The following DAB1 variants were observed in gnomAD, a reference collection of about 807,000 sequenced individuals.
The protein encoded by DAB1 is DAB adaptor protein 1.
A neutral mutation model predicts 64.6 loss-of-function variants in DAB1; 15 were observed. The observed-to-expected ratio is 0.23, with a 90% CI of 0.16 to 0.36. DAB1 has a LOEUF of 0.36. Ranked by LOEUF, DAB1 falls within the 10% of genes least tolerant of loss-of-function variation. The pLI is 1.00. For missense variants in DAB1, 596 were observed against 706.7 expected (o/e 0.84, Z 1.78); for synonymous variants, 235 against 251.9 (o/e 0.93, Z 0.64).
intron 2 of DAB1, among the ~76,000 whole-genome samples, chr1:57,279,448 C>A (rs1402109621): frequency 6.6e-6 from 1 of 152,116 alleles, no homozygotes. Context: ...GGATGCAGAA[C>A]CTCAGATATG....
At chr1:57,731,520 G>T (rs564508092) in intron 6 of DAB1, among the ~76,000 whole-genome samples, 2 of 152,218 alleles carry the variant, frequency 1.3e-5, no homozygotes, top group East Asian at 3.9e-4. Flanking sequence ...TAATAATTAG[G>T]CCAGATGCAG....
At chr1:58,536,698 C>T (rs1316941239) in intron 1 of DAB1, 5 of 872,650 alleles carry the variant, frequency 5.7e-6, no homozygotes, top group Admixed American at 3.4e-5. Context: ...TTAACTACTT[C>T]CTTCTTGTTA....
chr1:58,377,321 T>C (rs1376798397), intron 3 of DAB1, among the ~76,000 whole-genome samples: 1 of 142,316 alleles, frequency 7.0e-6, no homozygotes, highest in Non-Finnish European at 1.5e-5. Context: ...CTGGTACCGG[T>C]TGTTCCTTTC....
At chr1:58,105,641 GAAACTATA>G (rs1226601527) in intron 5 of DAB1, among the ~76,000 whole-genome samples, 1 of 152,158 alleles carries the variant, frequency 6.6e-6, no homozygotes, top group East Asian at 1.9e-4. Context: ...AACCCACTGG[GAAACTATA>G]AAATGTTGCA....
chr1:58,429,790 T>C (rs1212747004), intron 3 of DAB1, among the ~76,000 whole-genome samples: 3 of 152,186 alleles, frequency 2.0e-5, no homozygotes, highest in African/African-American at 7.2e-5. Flanking sequence ...AAAGCAAATA[T>C]AGTAATGATG....
At chr1:57,661,167 G>C (rs4523535) in intron 6 of DAB1, among the ~76,000 whole-genome samples, 121,473 of 151,968 alleles carry the variant, frequency 0.8, 48,784 homozygotes, top group Non-Finnish European at 0.84. Context: ...TTTTCTCACT[G>C]TGTCTAAAAC....
At chr1:57,365,242 CAT>C (rs1679888995) in intron 1 of DAB1, among the ~76,000 whole-genome samples, 2 of 133,904 alleles carry the variant, frequency 1.5e-5, no homozygotes, top group East Asian at 2.1e-4. Flanking sequence ...AATATATAAA[CAT>C]ATTTATATAT....
rs538938501 is a variant in DAB1 at position 57,539,523 on chromosome 1, T to C, written n.625+110069A>G. Among the ~76,000 whole-genome samples the C allele has an allele frequency of 2.0e-5, 3 of 152,198 alleles. No individual in the cohort carries two copies. In the South Asian group the frequency reaches 6.2e-4, roughly 32 times the overall value. Reference sequence around the variant, plus strand: ...AAGTGAGAAAGTGGGTATCTTTTGTTATCTAAAAAATTACCTTTCTTCTAT... The same window carrying C: ...AAGTGAGAAAGTGGGTATCTTTTGTCATCTAAAAAATTACCTTTCTTCTAT... On this transcript the variant is annotated intron_variant and non_coding_transcript_variant, in intron 7 of 20. Coordinates refer to the DAB1 transcript ENST00000485760.
At chr1:57,158,386 T>C (rs143027048) in intron 2 of DAB1, among the ~76,000 whole-genome samples, 144 of 152,282 alleles carry the variant, frequency 9.5e-4, no homozygotes, top group African/African-American at 3.2e-3. Flanking sequence ...AATAGGGAGA[T>C]CACCTTGTAA....
At chr1:57,078,882 A>G (rs753469379) in intron 4 of DAB1, among the ~76,000 whole-genome samples, 15 of 152,196 alleles carry the variant, frequency 9.9e-5, no homozygotes, top group Non-Finnish European at 2.2e-4. Context: ...TGAGTACAAA[A>G]TATTCCCTGC....
intron 6 of DAB1, among the ~76,000 whole-genome samples, chr1:57,728,264 T>C (rs1291952228): frequency 6.6e-6 from 1 of 152,148 alleles, no homozygotes; most frequent in Non-Finnish European, 1.5e-5. Flanking sequence ...AAACTTAGCT[T>C]AGCAAATACA....
intron 4 of DAB1, among the ~76,000 whole-genome samples, chr1:58,227,824 CA>C (rs1286737869): frequency 4.6e-5 from 7 of 152,182 alleles, no homozygotes; most frequent in African/African-American, 1.7e-4. Flanking sequence ...CATGCAGCAG[CA>C]AATGTATAAT....
chr1:58,463,494 C>T (rs928931566), intron 3 of DAB1, among the ~76,000 whole-genome samples: 1 of 152,170 alleles, frequency 6.6e-6, no homozygotes, highest in Non-Finnish European at 1.5e-5. Flanking sequence ...CCTTGCATGG[C>T]AGTGTGTAAA....
chr1:57,288,590 G>A (rs1383999575), intron 2 of DAB1, among the ~76,000 whole-genome samples: 1 of 152,148 alleles, frequency 6.6e-6, no homozygotes, highest in East Asian at 1.9e-4. Flanking sequence ...AACCAAATTG[G>A]CTGGCACTTT....
At chr1:58,057,905 T>G (rs1014900698) in intron 5 of DAB1, among the ~76,000 whole-genome samples, 1 of 151,984 alleles carries the variant, frequency 6.6e-6, no homozygotes, top group African/African-American at 2.4e-5. Flanking sequence ...CACCTCCTGC[T>G]TGCCATTCCT....
chr1:58,041,526 C>T (rs768619294), intron 5 of DAB1, among the ~76,000 whole-genome samples: 2 of 152,180 alleles, frequency 1.3e-5, no homozygotes, highest in Non-Finnish European at 2.9e-5. Flanking sequence ...CATTACCATC[C>T]CTGTGTTACA....
intron 5 of DAB1, among the ~76,000 whole-genome samples, chr1:58,092,640 G>T (rs1650737773): frequency 6.6e-6 from 1 of 152,218 alleles, no homozygotes; most frequent in African/African-American, 2.4e-5. Context: ...AAAGGAAAGA[G>T]AGTGGCCGTA....
chr1:57,172,723 C>A (rs1407910850), intron 2 of DAB1, among the ~76,000 whole-genome samples: 1 of 152,104 alleles, frequency 6.6e-6, no homozygotes, highest in Non-Finnish European at 1.5e-5. Flanking sequence ...CTCTTGGGAA[C>A]TAATGGAATG....
intron 7 of DAB1, among the ~76,000 whole-genome samples, chr1:57,536,912 T>C (rs1431564565): frequency 6.6e-6 from 1 of 152,202 alleles, no homozygotes; most frequent in Non-Finnish European, 1.5e-5. Flanking sequence ...ATGTCAGGCC[T>C]GGCACCAGAT....
Sources: allele counts gnomAD v4.1 joint callset (sites outside exome capture counted in the v4.1 genomes callset), GRCh38; gene constraint gnomAD v4.1.1; transcripts MANE v1.5; gene names NCBI Gene and HGNC (gene_info 2026-07-23, HGNC 2026-07-21).